The following ME1 variants were observed in gnomAD, a reference collection of about 807,000 sequenced individuals.
ME1 encodes the protein NADP-dependent malic enzyme.
In ME1, 74 loss-of-function variants were observed where a neutral mutation model predicts 66.4. That is an observed-to-expected ratio of 1.11 (90% confidence interval 0.92 to 1.35). The LOEUF (loss-of-function observed/expected upper bound fraction) is 1.35, where lower values mean the gene tolerates loss of function less well. Ranked by LOEUF, ME1 falls within the 40% of genes most tolerant of loss-of-function variation. The pLI is 0.00. For missense variants in ME1, 750 were observed against 694.1 expected (o/e 1.08, Z -0.90); for synonymous variants, 251 against 235.6 (o/e 1.07, Z -0.60).
At chr6:83,419,950 G>A (rs1366771467) in intron 1 of ME1, among the ~76,000 whole-genome samples, 1 of 152,214 alleles carries the variant, frequency 6.6e-6, no homozygotes, top group East Asian at 1.9e-4. Context: ...AGTCCTAAGT[G>A]GAAGTATCAT....
chr6:83,247,918 G>A (rs1217915991), intron 7 of ME1, among the ~76,000 whole-genome samples: 5 of 152,130 alleles, frequency 3.3e-5, no homozygotes, highest in Non-Finnish European at 5.9e-5. Context: ...GACTATATAT[G>A]TGCAGATTAT....
chr6:83,325,340 A>T (rs1443071462), intron 5 of ME1, among the ~76,000 whole-genome samples: 1 of 152,216 alleles, frequency 6.6e-6, no homozygotes, highest in Non-Finnish European at 1.5e-5. Context: ...CTCCTATTCA[A>T]CATAGTATTG....
chr6:83,224,048 GT>G, intron 11 of ME1, 115 bp from the exon 12 acceptor site: 1 of 938,848 alleles, frequency 1.1e-6, no homozygotes, highest in East Asian at 2.6e-5. Flanking sequence ...AAGAAGTCTA[GT>G]TTTTTATTAA....
chr6:83,249,294 A>C (rs773697035), intron 7 of ME1, among the ~76,000 whole-genome samples: 4 of 151,860 alleles, frequency 2.6e-5, no homozygotes, highest in Non-Finnish European at 5.9e-5. Flanking sequence ...CCAGGCTAGA[A>C]TGCATGGCAT....
chr6:83,405,282 T>C (rs1290085602), intron 2 of ME1, among the ~76,000 whole-genome samples: 3 of 152,132 alleles, frequency 2.0e-5, no homozygotes, highest in African/African-American at 7.2e-5. Context: ...TGAATGCGAG[T>C]TCATTCATGA....
At chr6:83,411,016 A>G (rs1037106894) in intron 1 of ME1, among the ~76,000 whole-genome samples, 1 of 152,244 alleles carries the variant, frequency 6.6e-6, no homozygotes, top group African/African-American at 2.4e-5. Flanking sequence ...TAAAAACAAC[A>G]GCAACAAAAC....
chr6:83,325,022 A>C (rs1768260536), intron 5 of ME1, among the ~76,000 whole-genome samples: 1 of 152,150 alleles, frequency 6.6e-6, no homozygotes, highest in Admixed American at 6.5e-5. Context: ...CACCATGATC[A>C]AGTGGGCTTC....
At position 83,348,581 on chromosome 6, in the gene ME1, G is replaced by C. The variant is rs183045405; in HGVS notation, c.439-2247C>G. Among the ~76,000 whole-genome samples the C allele has an allele frequency of 5.4e-4, 82 of 151,926 alleles. 1 individual carries two copies. Among genetic ancestry groups the C allele is most frequent in the African/African-American group, 1.4e-3 (60 of 41,430 alleles). On this transcript the variant is annotated intron_variant, in intron 4 of 13. Transcript: ENST00000369705. ...TTCATCAAAAGTGCTTAAACACAGA[G>C]AGTTGTTATTTGGTTTCAAAATTCT...
At chr6:83,395,673 A>G (rs13207003) in intron 3 of ME1, among the ~76,000 whole-genome samples, 2 of 151,118 alleles carry the variant, frequency 1.3e-5, no homozygotes, top group Non-Finnish European at 2.9e-5. Flanking sequence ...ATGGGGTTTC[A>G]CCATGTTGGT....
At chr6:83,377,864 T>G (rs1769322944) in intron 3 of ME1, among the ~76,000 whole-genome samples, 1 of 152,100 alleles carries the variant, frequency 6.6e-6, no homozygotes, top group South Asian at 2.1e-4. Context: ...TAAAATAAAT[T>G]GCTAGTGGAT....
intron 9 of ME1, among the ~76,000 whole-genome samples, chr6:83,230,505 G>A (rs1218162266): frequency 6.6e-6 from 1 of 152,118 alleles, no homozygotes; most frequent in Admixed American, 6.5e-5. Flanking sequence ...TGTAATGCAT[G>A]TAAAACACTC....
intron 1 of ME1, among the ~76,000 whole-genome samples, chr6:83,415,499 T>C (rs1770143105): frequency 6.6e-6 from 1 of 152,220 alleles, no homozygotes; most frequent in Admixed American, 6.5e-5. Flanking sequence ...CCTTAATAAA[T>C]TTTAAATAAG....
chr6:83,212,243 T>C (rs1006893003), intron 13 of ME1, 149 bp from the exon 14 acceptor site: 14 of 495,352 alleles, frequency 2.8e-5, no homozygotes, highest in Non-Finnish European at 6.8e-6. Context: ...ATATAAGCAA[T>C]GAAGATATAA....
At chr6:83,328,225 C>G (rs2128541674) in intron 5 of ME1, among the ~76,000 whole-genome samples, 1 of 152,184 alleles carries the variant, frequency 6.6e-6, no homozygotes, top group East Asian at 1.9e-4. Context: ...AACAGAAAAC[C>G]AAACACCGCA....
At chr6:83,230,792 G>A (rs1790292959) in intron 9 of ME1, among the ~76,000 whole-genome samples, 1 of 152,034 alleles carries the variant, frequency 6.6e-6, no homozygotes, top group Admixed American at 6.6e-5. Context: ...AATTAGCTGG[G>A]CGTGGTGGCA....
chr6:83,228,781 G>T, intron 10 of ME1, 45 bp downstream of exon 10: 1 of 1,306,664 alleles, frequency 7.7e-7, no homozygotes, highest in Non-Finnish European at 1.1e-6. Context: ...AAACAATCAG[G>T]TCAAAATAAG....
Position 83,398,447 on chromosome 6 carries a change from A to G in ME1, c.282T>C (p.Ile94=), listed in dbSNP as rs1302274386. The change falls in exon 3 of 14, where the codon ATT becomes ATC. Residue 94 remains isoleucine (I), a synonymous_variant. Coordinates refer to ENST00000369705, the MANE Select transcript of ME1 (RefSeq NM_002395.6). The part of the protein sequence containing the change: ...KLFYRVLTSD[I]EKFMPIVYTP... ...TATAAACAATAGGCATGAATTTCTC[A>G]ATGTCAGATGTCAGCACTCTATAAA... The G allele has an allele frequency of 6.3e-7, 1 of 1,597,244 alleles. No homozygotes were observed. Among genetic ancestry groups the G allele is most frequent in the African/African-American group, 1.3e-5 (1 of 74,308 alleles).
At chr6:83,320,530 T>C (rs954185349) in intron 5 of ME1, among the ~76,000 whole-genome samples, 1 of 152,226 alleles carries the variant, frequency 6.6e-6, no homozygotes, top group Non-Finnish European at 1.5e-5. Flanking sequence ...ACTGCAGCTG[T>C]TCCTTAAGGC....
At chr6:83,351,308 C>A (rs1243756591) in intron 4 of ME1, among the ~76,000 whole-genome samples, 2 of 152,108 alleles carry the variant, frequency 1.3e-5, no homozygotes, top group Non-Finnish European at 2.9e-5. Flanking sequence ...TTTGTACCAC[C>A]AAAAGGCATT....
Sources: gnomAD v4.1 joint callset for allele counts (sites outside exome capture counted in the v4.1 genomes callset) on GRCh38, gnomAD v4.1.1 for gene constraint, MANE v1.5 for transcripts, NCBI Gene and HGNC (gene_info 2026-07-23, HGNC 2026-07-21) for gene names.